PSD2: variants seen among roughly 807,000 people sequenced by gnomAD.
The protein encoded by PSD2 is pleckstrin and Sec7 domain containing 2.
A neutral mutation model predicts 69.8 loss-of-function variants in PSD2; 38 were observed. That is an observed-to-expected ratio of 0.54 (90% CI 0.42 to 0.71). PSD2 has a LOEUF of 0.71. Among genes scored for constraint, PSD2 ranks in the 30% least tolerant of loss-of-function variants. PSD2 has a pLI of 0.00. For synonymous variants in PSD2, 412 were observed against 423.0 expected, an observed-to-expected ratio of 0.97 and a Z score of 0.32; for missense variants, 943 against 1,014.5, an observed-to-expected ratio of 0.93 and a Z score of 0.96.
intron 1 of PSD2, among the ~76,000 whole-genome samples, 179 bp from the exon 2 acceptor site, chr5:139,809,212 G>T (rs906473572): frequency 1.2e-4 from 19 of 152,346 alleles, no homozygotes; most frequent in African/African-American, 4.6e-4. Flanking sequence ...GGCTGCTTGG[G>T]CAGGCAGTGA....
rs13164635 is a variant in PSD2, at chr5:139,830,565, C to T, written c.1270-3137C>T. The stretch of plus-strand genomic sequence containing the variant: ...TCCTTCCTTCCTTCCTTCCTTCCTT[C>T]CTTTCTTTCTTTCTTTCTTTCTTTC... On this transcript the variant is annotated intron_variant, in intron 7 of 14. Transcript: ENST00000274710. Among the ~76,000 whole-genome samples, 585 of 120,148 alleles carry T rather than the reference C, an allele frequency of 4.9e-3. 9 individuals carry two copies. The highest frequency in any genetic ancestry group is 0.018 in the African/African-American group (494 of 27,002). The allele number at this position is 120,148 out of a possible 152,430, so 78.8% of individuals were successfully genotyped here.
intron 7 of PSD2, among the ~76,000 whole-genome samples, chr5:139,828,099 G>A (rs180778284): frequency 7.4e-4 from 113 of 152,262 alleles, no homozygotes; most frequent in African/African-American, 2.7e-3. Flanking sequence ...CACTGAGTGG[G>A]GGATGTCAGA....
intron 1 of PSD2, among the ~76,000 whole-genome samples, chr5:139,804,978 C>T (rs955556187): frequency 5.4e-5 from 8 of 146,866 alleles, no homozygotes; most frequent in East Asian, 4.0e-4. Context: ...TGTGTGCGTG[C>T]GTGTGTGCAT....
At chr5:139,841,331 T>C (rs1469103746) in intron 14 of PSD2, among the ~76,000 whole-genome samples, 1 of 152,224 alleles carries the variant, frequency 6.6e-6, no homozygotes, top group Non-Finnish European at 1.5e-5. Context: ...AATGTCCCAA[T>C]AATGGAACAC....
intron 4 of PSD2, among the ~76,000 whole-genome samples, chr5:139,816,038 A>C (rs967888270): frequency 6.6e-6 from 1 of 151,820 alleles, no homozygotes. Context: ...ACAAACACGA[A>C]AGCAGAGGAA....
At chr5:139,785,779 G>A in the PSD2 span, among the ~76,000 whole-genome samples, 1 of 152,156 alleles carries the variant, frequency 6.6e-6, no homozygotes, top group African/African-American at 2.4e-5. Flanking sequence ...AATGTGGGAA[G>A]GGGTCTCCAA....
At chr5:139,752,714 A>C in the PSD2 span, among the ~76,000 whole-genome samples, 1 of 152,198 alleles carries the variant, frequency 6.6e-6, no homozygotes, top group South Asian at 2.1e-4. Flanking sequence ...CTGCACAGTA[A>C]GACACAGGCA....
At chr5:139,768,743 A>ACCTC in the PSD2 span, among the ~76,000 whole-genome samples, 1 of 148,684 alleles carries the variant, frequency 6.7e-6, no homozygotes, top group Non-Finnish European at 1.5e-5. Flanking sequence ...AAAAAACAAC[A>ACCTC]CCTCCCTCCC....
At chr5:139,776,661 T>TTTTTG in the PSD2 span, among the ~76,000 whole-genome samples, 2 of 148,400 alleles carry the variant, frequency 1.3e-5, no homozygotes, top group African/African-American at 5.1e-5. Flanking sequence ...CTCAGGTCAT[T>TTTTTG]CTGAGCTGCT....
At chr5:139,781,568 C>T in the PSD2 span, among the ~76,000 whole-genome samples, 8 of 151,962 alleles carry the variant, frequency 5.3e-5, no homozygotes, top group East Asian at 1.4e-3. Context: ...ATCTTCTGAC[C>T]TCGTGATCCA....
intron 6 of PSD2, among the ~76,000 whole-genome samples, chr5:139,822,502 G>T (rs1027264731): frequency 2.0e-5 from 3 of 152,210 alleles, no homozygotes; most frequent in African/African-American, 7.2e-5. Context: ...AGGAGTCTGG[G>T]CCAGAGTGGG....
At chr5:139,749,240 T>C in the PSD2 span, among the ~76,000 whole-genome samples, 3 of 152,196 alleles carry the variant, frequency 2.0e-5, no homozygotes, top group Non-Finnish European at 2.9e-5. Flanking sequence ...ATCTCTGAAG[T>C]TCAGCCCCAG....
rs572660568 is a variant in PSD2, at chr5:139,824,824, C to T, written c.1269+2040C>T. Among the ~76,000 whole-genome samples the T allele has an allele frequency of 2.0e-5, 3 of 152,270 alleles. No individual in the cohort carries two copies. In the East Asian group the frequency reaches 5.8e-4, roughly 29 times the overall value. ...AGCACCTGATGCTTTGCACTTTTCC[C>T]CTTGCCTCCTCCCCTCCCACGTCAC... On this transcript the variant is annotated intron_variant, in intron 7 of 14. Coordinates refer to ENST00000274710, the MANE Select transcript of PSD2 (RefSeq NM_032289.4).
chr5:139,791,425 GA>G (rs1330043199), upstream of PSD2, among the ~76,000 whole-genome samples: 1 of 151,522 alleles, frequency 6.6e-6, no homozygotes, highest in South Asian at 2.1e-4. Flanking sequence ...GTCTCTAAAA[GA>G]AAAACAAAAA....
intron 14 of PSD2, 59 bp from the exon 15 acceptor site, chr5:139,842,212 G>T: frequency 7.1e-7 from 1 of 1,416,436 alleles, no homozygotes; most frequent in South Asian, 1.2e-5. Context: ...GTCATATAAG[G>T]TGCACATACT....
intron 6 of PSD2, 135 bp from the exon 7 acceptor site, chr5:139,822,591 C>T (rs1182620400): frequency 7.5e-6 from 5 of 663,400 alleles, no homozygotes; most frequent in Non-Finnish European, 1.2e-5. Flanking sequence ...TCACACAGGC[C>T]CTGTCCCCTG....
At chr5:139,828,641 G>A (rs1695586958) in intron 7 of PSD2, among the ~76,000 whole-genome samples, 1 of 152,204 alleles carries the variant, frequency 6.6e-6, no homozygotes, top group Admixed American at 6.5e-5. Flanking sequence ...TCCTCCCGAA[G>A]GATGACGTCT....
upstream of PSD2, chr5:139,795,805 C>A (rs1581704624): frequency 2.0e-5 from 3 of 151,626 alleles, no homozygotes; most frequent in Admixed American, 2.0e-4. This position sits in a 1 kb window ranked among gnomAD's most constrained non-coding sequence, Gnocchi z 4.5. Context: ...CTCCCTCCCT[C>A]CTGCCGTCCG....
chr5:139,748,746 G>C, the PSD2 span, among the ~76,000 whole-genome samples: 2 of 152,264 alleles, frequency 1.3e-5, no homozygotes, highest in Non-Finnish European at 2.9e-5. Context: ...GGCAATGCTC[G>C]TCTGTCTCGG....
Sources: allele counts gnomAD v4.1 joint callset (sites outside exome capture counted in the v4.1 genomes callset), GRCh38; gene constraint gnomAD v4.1.1; non-coding constraint Gnocchi (gnomAD v3.1); transcripts MANE v1.5; gene names NCBI Gene and HGNC (gene_info 2026-07-23, HGNC 2026-07-21).